Variants in ANXA2 observed in about 807,000 individuals in gnomAD.
The protein encoded by ANXA2 is annexin A2.
In ANXA2, 28 loss-of-function variants were observed where a neutral mutation model predicts 47.3. The ratio of observed to expected loss-of-function variants is 0.59; its 90% CI spans 0.44 to 0.81. The LOEUF (loss-of-function observed/expected upper bound fraction) is 0.81, where lower values mean the gene tolerates loss of function less well. Ranked by LOEUF, ANXA2 falls within the 40% of genes least tolerant of loss-of-function variation. The probability of loss-of-function intolerance (pLI) is 0.00; values close to 1 mark genes in which losing one functional copy is unlikely to be tolerated. For missense variants in ANXA2, 384 were observed against 414.3 expected, an observed-to-expected ratio of 0.93 and a Z score of 0.64; for synonymous variants, 172 against 155.5, an observed-to-expected ratio of 1.11 and a Z score of -0.79.
At chr15:60,385,133 G>T (rs1186299223) in intron 2 of ANXA2, among the ~76,000 whole-genome samples, 1 of 152,160 alleles carries the variant, frequency 6.6e-6, no homozygotes, top group Non-Finnish European at 1.5e-5. Context: ...AGAAAATTCA[G>T]TTTAGTTCTA....
intron 3 of ANXA2, among the ~76,000 whole-genome samples, chr15:60,368,447 AAG>A (rs1220054366): frequency 6.6e-6 from 1 of 152,158 alleles, no homozygotes; most frequent in Non-Finnish European, 1.5e-5. Context: ...TGTGTCCAAT[AAG>A]AGGCTGATTA....
At chr15:60,375,972 G>A (rs184307079) in intron 3 of ANXA2, among the ~76,000 whole-genome samples, 95 of 152,226 alleles carry the variant, frequency 6.2e-4, no homozygotes, top group Non-Finnish European at 1.1e-3. Context: ...GAGGCTACAC[G>A]CTCCTCAAAG....
At chr15:60,376,981 C>G (rs1337824881) in intron 3 of ANXA2, among the ~76,000 whole-genome samples, 1 of 152,168 alleles carries the variant, frequency 6.6e-6, no homozygotes, top group Non-Finnish European at 1.5e-5. Context: ...CACGGCTACC[C>G]CCGTCTAGGA....
chr15:60,386,151 T>A (rs7182242), intron 1 of ANXA2, 65 bp from the exon 2 acceptor site: 2 of 1,148,894 alleles, frequency 1.7e-6, no homozygotes, highest in South Asian at 1.3e-5. Flanking sequence ...AGCACAGCGA[T>A]TCATTATGCT....
At chr15:60,354,082 T>C in intron 8 of ANXA2, 72 bp downstream of exon 8, 1 of 1,234,624 alleles carries the variant, frequency 8.1e-7, no homozygotes, top group Non-Finnish European at 1.2e-6. Context: ...TCACACAGAG[T>C]TAAATTACTA....
chr15:60,380,666 T>C (rs1231425902), intron 3 of ANXA2, among the ~76,000 whole-genome samples: 3 of 151,470 alleles, frequency 2.0e-5, no homozygotes, highest in Non-Finnish European at 4.4e-5. Context: ...TAGCTGGGCA[T>C]GGTGGTGTGT....
chr15:60,380,228 T>A (rs1457720514), intron 3 of ANXA2, among the ~76,000 whole-genome samples: 1 of 152,172 alleles, frequency 6.6e-6, no homozygotes, highest in Non-Finnish European at 1.5e-5. Flanking sequence ...AAATGCTTCA[T>A]ACTTTACAAC....
chr15:60,385,231 C>G (rs536850205), intron 2 of ANXA2, among the ~76,000 whole-genome samples: 1 of 152,096 alleles, frequency 6.6e-6, no homozygotes, highest in East Asian at 1.9e-4. Context: ...AATATCCTAG[C>G]TTTTTTAGAG....
intron 1 of ANXA2, chr15:60,397,446 T>A (rs1595716836): frequency 2.1e-6 from 1 of 487,304 alleles, no homozygotes; most frequent in East Asian, 1.4e-4. Flanking sequence ...TCCCTCCTGC[T>A]GGTCGGTTCA....
Position 60,364,497 on chromosome 15 carries a change from T to C in ANXA2, c.175A>G (p.Ile59Val). 6.2e-7 allele frequency: 1 copy of C among 1,613,524 alleles called. No individual in the cohort carries two copies. ...KGVDEVTIVN[I>V]LTNRSNAQRQ... ...TGTGCATTGCTGCGGTTGGTCAAAATGTTGACAATGGTGACCTCATCCACA... is the reference window on the plus strand; with the variant it reads ...TGTGCATTGCTGCGGTTGGTCAAAACGTTGACAATGGTGACCTCATCCACA... The change falls in exon 4 of 13, where the codon ATT becomes GTT. Residue 59 changes from isoleucine to valine, a missense_variant. By Grantham distance (29) the Ile-to-Val change is conservative (BLOSUM62 3). Transcript: ENST00000451270.
chr15:60,365,877 C>T (rs1367414067), intron 3 of ANXA2, among the ~76,000 whole-genome samples: 6 of 99,296 alleles, frequency 6.0e-5, no homozygotes, highest in East Asian at 2.7e-4. Flanking sequence ...CCTCTCCCTC[C>T]ACGGTCTCCC....
intron 5 of ANXA2, among the ~76,000 whole-genome samples, chr15:60,359,971 T>C (rs1007267425): frequency 2.6e-5 from 4 of 152,230 alleles, no homozygotes; most frequent in South Asian, 2.1e-4. Flanking sequence ...TAAAACTTGA[T>C]GTTGGCCAGG....
chr15:60,377,058 T>C (rs576021905), intron 3 of ANXA2, among the ~76,000 whole-genome samples: 1 of 152,386 alleles, frequency 6.6e-6, no homozygotes, highest in Non-Finnish European at 1.5e-5. Flanking sequence ...TTGAGGTTTA[T>C]ACCGTGTCCT....
chr15:60,369,397 T>A (rs1595685860), intron 3 of ANXA2, among the ~76,000 whole-genome samples: 1 of 152,230 alleles, frequency 6.6e-6, no homozygotes, highest in African/African-American at 2.4e-5. Flanking sequence ...CTTAATTTTA[T>A]TACCCACAAC....
intron 4 of ANXA2, among the ~76,000 whole-genome samples, chr15:60,363,813 G>T (rs1333495763): frequency 2.0e-5 from 3 of 152,178 alleles, no homozygotes; most frequent in African/African-American, 7.2e-5. Flanking sequence ...AGAGGAGCTT[G>T]TTAGGATCAA....
rs1367161775 is a variant in ANXA2 at position 60,347,624 on chromosome 15, C to T, written c.*6G>A. 3.7e-6 allele frequency: 6 copies of T among 1,613,982 alleles called. No individual in the cohort carries two copies. Among genetic ancestry groups the T allele is most frequent in the Non-Finnish European group, 4.2e-6 (5 of 1,179,974 alleles). On this transcript the variant is annotated 3_prime_UTR_variant, in exon 13 of 13. Transcript: ENST00000451270. Reference sequence around the variant, plus strand: ...CCATTTCTGGACGCTCAGGCCGTGTCGGGCTTCAGTCATCTCCACCACACA... The same window carrying T: ...CCATTTCTGGACGCTCAGGCCGTGTTGGGCTTCAGTCATCTCCACCACACA...
At chr15:60,354,052 C>G (rs2062387608) in intron 8 of ANXA2, 102 bp downstream of exon 8, 1 of 875,910 alleles carries the variant, frequency 1.1e-6, no homozygotes, top group African/African-American at 1.7e-5. Context: ...TTTTAAGCCA[C>G]AGAGTTTGGG....
chr15:60,351,691 T>C lies in ANXA2; in HGVS notation c.778+33A>G, dbSNP rs1454511443. 5 of 1,371,494 alleles carry C rather than the reference T, an allele frequency of 3.6e-6. No individual in the cohort carries two copies. The African/African-American group carries it at 5.7e-5, about 16-fold the overall frequency. 85.0% of individuals were successfully genotyped at this position (1,371,494 alleles called of 1,614,324 possible). A position where few individuals can be genotyped will look rare whatever the true frequency, so the allele number is the denominator to read the frequency against. On this transcript the variant is annotated intron_variant, in intron 10 of 12. Transcript: ENST00000451270. ...CTGTCACTTCTGCTCTGGTAGCTGATGTCTACCAGGAATGGGGGCCACATT... is the reference window on the plus strand; with the variant it reads ...CTGTCACTTCTGCTCTGGTAGCTGACGTCTACCAGGAATGGGGGCCACATT...
At chr15:60,371,626 C>T (rs1005040979) in intron 3 of ANXA2, among the ~76,000 whole-genome samples, 1 of 152,142 alleles carries the variant, frequency 6.6e-6, no homozygotes, top group African/African-American at 2.4e-5. Context: ...ATGAAGGTCT[C>T]GGGAGAGTGG....
Sources: allele counts gnomAD v4.1 joint callset (sites outside exome capture counted in the v4.1 genomes callset), GRCh38; gene constraint gnomAD v4.1.1; transcripts MANE v1.5; gene names NCBI Gene and HGNC (gene_info 2026-07-23, HGNC 2026-07-21).